CSMD1: variants seen among roughly 807,000 people sequenced by gnomAD.
The protein encoded by CSMD1 is CUB and sushi domain-containing protein 1.
CSMD1 carries 213 observed loss-of-function variants against 417.5 expected under a neutral mutation model. That is an observed-to-expected ratio of 0.51 (90% CI 0.46 to 0.57). CSMD1 has a LOEUF of 0.57. Among genes scored for constraint, CSMD1 ranks in the 20% least tolerant of loss-of-function variants. The pLI, the probability that CSMD1 is intolerant of heterozygous loss-of-function variation, is 0.00. For synonymous variants in CSMD1, 2,862 were observed against 1,736.8 expected, an observed-to-expected ratio of 1.65 and a Z score of -16.11; for missense variants, 6,923 against 4,529.7, an observed-to-expected ratio of 1.53 and a Z score of -15.17.
intron 1 of CSMD1, among the ~76,000 whole-genome samples, chr8:4,798,512 T>C (rs1177423174): frequency 9.2e-5 from 14 of 152,208 alleles, no homozygotes; most frequent in Admixed American, 9.2e-4. Flanking sequence ...TACTCTGATA[T>C]GTGAACAGAC....
chr8:4,188,551 G>C (rs78590223), intron 3 of CSMD1, among the ~76,000 whole-genome samples: 1 of 151,960 alleles, frequency 6.6e-6, no homozygotes, highest in African/African-American at 2.4e-5. Context: ...AGGAATTCAG[G>C]CAGTATGAGG....
At chr8:4,315,005 C>A (rs1798840870) in intron 3 of CSMD1, among the ~76,000 whole-genome samples, 1 of 152,240 alleles carries the variant, frequency 6.6e-6, no homozygotes, top group Middle Eastern at 3.4e-3. Flanking sequence ...CTGACAGCCC[C>A]AGCCTGAGAA....
chr8:3,328,586 C>A (rs746167308), intron 23 of CSMD1, among the ~76,000 whole-genome samples: 2 of 152,150 alleles, frequency 1.3e-5, no homozygotes, highest in African/African-American at 4.8e-5. Flanking sequence ...CAATCCAAGT[C>A]GCTCCAATGT....
intron 25 of CSMD1, among the ~76,000 whole-genome samples, chr8:3,305,856 A>G (rs1253410596): frequency 2.6e-5 from 4 of 151,674 alleles, no homozygotes; most frequent in African/African-American, 4.8e-5. Flanking sequence ...ATTTTTTTGT[A>G]TTTTTAGTAG....
At chr8:3,849,408 G>C (rs1803729651) in intron 5 of CSMD1, among the ~76,000 whole-genome samples, 1 of 152,142 alleles carries the variant, frequency 6.6e-6, no homozygotes, top group South Asian at 2.1e-4. Flanking sequence ...ACGGACGAAA[G>C]GGAGTCCTTG....
At chr8:3,492,156 G>A (rs1164925458) in intron 11 of CSMD1, among the ~76,000 whole-genome samples, 1 of 152,134 alleles carries the variant, frequency 6.6e-6, no homozygotes, top group Non-Finnish European at 1.5e-5. Flanking sequence ...GACTGAAACG[G>A]GTGGGCGTGG....
intron 5 of CSMD1, among the ~76,000 whole-genome samples, chr8:3,974,227 A>C (rs1813268197): frequency 6.6e-6 from 1 of 151,262 alleles, no homozygotes; most frequent in Non-Finnish European, 1.5e-5. Flanking sequence ...CATAAGAGTT[A>C]TTTTTAAATA....
At chr8:4,282,107 AT>A in intron 3 of CSMD1, among the ~76,000 whole-genome samples, 1 of 152,326 alleles carries the variant, frequency 6.6e-6, no homozygotes, top group African/African-American at 2.4e-5. Context: ...ATCCAAGAGT[AT>A]TTTTAATTAT....
At chr8:4,744,985 A>G (rs1469913600) in intron 1 of CSMD1, among the ~76,000 whole-genome samples, 2 of 152,210 alleles carry the variant, frequency 1.3e-5, no homozygotes, top group Non-Finnish European at 2.9e-5. Flanking sequence ...GAAAACATAC[A>G]CTTGTTTCAA....
chr8:4,805,631 G>C (rs1355520312), intron 1 of CSMD1, among the ~76,000 whole-genome samples: 2 of 152,166 alleles, frequency 1.3e-5, no homozygotes, highest in East Asian at 3.9e-4. Context: ...AAATTACCTA[G>C]TGCTTGTGAA....
At chr8:3,784,711 T>C (rs776605878) in intron 5 of CSMD1, among the ~76,000 whole-genome samples, 5 of 152,212 alleles carry the variant, frequency 3.3e-5, no homozygotes, top group Non-Finnish European at 5.9e-5. Context: ...TATGCTATTA[T>C]TCTATAAACA....
At chr8:4,013,415 T>C (rs1796372748) in intron 4 of CSMD1, among the ~76,000 whole-genome samples, 1 of 152,118 alleles carries the variant, frequency 6.6e-6, no homozygotes, top group Non-Finnish European at 1.5e-5. Flanking sequence ...TCCCGTTCAT[T>C]AGAGGTCCAA....
Position 3,915,682 on chromosome 8 carries a change from T to G in CSMD1, c.818+82221A>C, listed in dbSNP as rs1025236949. On this transcript the variant is annotated intron_variant, in intron 5 of 69. Coordinates refer to ENST00000635120, the MANE Select transcript of CSMD1 (RefSeq NM_033225.6). ...TTCATAACTGATATTACTAATAATG[T>G]AGAACTCTATCTCTGTTATAATTTA... 2.0e-5 allele frequency among the ~76,000 whole-genome samples: 3 copies of G among 151,544 alleles called. No individual in the cohort carries two copies. The Admixed American group carries it at 2.0e-4, about 10-fold the overall frequency.
At position 4,465,034 on chromosome 8, in the gene CSMD1, A is replaced by T. The variant is rs191945924; in HGVS notation, c.303-44969T>A. 2.4e-4 allele frequency among the ~76,000 whole-genome samples: 36 copies of T among 152,262 alleles called. 1 individual carries two copies. Among genetic ancestry groups the T allele is most frequent in the African/African-American group, 7.9e-4 (33 of 41,558 alleles). On this transcript the variant is annotated intron_variant, in intron 2 of 69. Coordinates refer to ENST00000635120, the MANE Select transcript of CSMD1 (RefSeq NM_033225.6). ...TTGGGAAAGGAAGAAAATAGGAAAA[A>T]AGGGAAACACAACAAGGCCGAGCAT...
At chr8:4,573,426 C>G (rs1798981040) in intron 2 of CSMD1, among the ~76,000 whole-genome samples, 1 of 152,168 alleles carries the variant, frequency 6.6e-6, no homozygotes, top group Non-Finnish European at 1.5e-5. Context: ...TCCAGACCCT[C>G]TTTCCTGGGG....
chr8:3,691,366 CA>C (rs34547668), intron 7 of CSMD1, among the ~76,000 whole-genome samples: 21 of 133,840 alleles, frequency 1.6e-4, no homozygotes, highest in African/African-American at 2.2e-4. Flanking sequence ...GACTCTGTCT[CA>C]AAAAAAAAAA....
chr8:4,169,249 C>A (rs557116175), intron 3 of CSMD1, among the ~76,000 whole-genome samples: 2 of 152,148 alleles, frequency 1.3e-5, no homozygotes, highest in South Asian at 2.1e-4. Flanking sequence ...ATACTGCACA[C>A]AGATGTCTGA....
chr8:3,738,271 C>T (rs1796624862), intron 6 of CSMD1, among the ~76,000 whole-genome samples: 1 of 152,176 alleles, frequency 6.6e-6, no homozygotes, highest in African/African-American at 2.4e-5. Flanking sequence ...TAGCGACGAT[C>T]ACAGTGGAAG....
chr8:4,833,888 G>A (rs1284969285), intron 1 of CSMD1, among the ~76,000 whole-genome samples: 2 of 152,154 alleles, frequency 1.3e-5, no homozygotes, highest in South Asian at 2.1e-4. Context: ...ATAACAAACC[G>A]TACATGTCAC....
Sources: allele counts gnomAD v4.1 joint callset (sites outside exome capture counted in the v4.1 genomes callset), GRCh38; gene constraint gnomAD v4.1.1; transcripts MANE v1.5; gene names NCBI Gene and HGNC (gene_info 2026-07-23, HGNC 2026-07-21).